MTM1: variants seen among roughly 807,000 people sequenced by gnomAD.
The protein encoded by MTM1 is myotubularin.
Under a neutral mutation model 52.1 loss-of-function variants are expected in MTM1, and 9 were observed. The ratio of observed to expected loss-of-function variants is 0.17; its 90% CI spans 0.10 to 0.30. MTM1 has a LOEUF of 0.30. MTM1 is among the 10% of genes least tolerant of loss of function. The pLI is 1.00. For missense variants in MTM1, 277 were observed against 470.7 expected (o/e 0.59, Z 3.81); for synonymous variants, 136 against 163.8 (o/e 0.83, Z 1.29).
chrX:150,668,927 G>A (rs1483940684), intron 14 of MTM1, among the ~76,000 whole-genome samples: 4 of 110,263 alleles, frequency 3.6e-5, no homozygotes, highest in African/African-American at 1.3e-4. Context: ...AAAAAAAAGG[G>A]TGGGGGGATA....
intron 14 of MTM1, among the ~76,000 whole-genome samples, chrX:150,667,736 G>A (rs941279439): frequency 8.9e-6 from 1 of 112,171 alleles, no homozygotes; most frequent in Non-Finnish European, 1.9e-5. Flanking sequence ...GGGATTAAGA[G>A]GCTTCTGCAA....
At chrX:150,620,993 C>T (rs1416614893) in intron 6 of MTM1, among the ~76,000 whole-genome samples, 1 of 107,805 alleles carries the variant, frequency 9.3e-6, no homozygotes, top group African/African-American at 3.4e-5. Flanking sequence ...TGCTGGGCAC[C>T]TGTAATCCCA....
At position 150,671,796 on chromosome X, in the gene MTM1, G is replaced by A. The variant is rs2040401872; in HGVS notation, c.*201G>A. The A allele has an allele frequency of 4.2e-6, 2 of 471,950 alleles. No individual in the cohort carries two copies. Among genetic ancestry groups the A allele is most frequent in the Middle Eastern group, 1.2e-3 (2 of 1,629 alleles). The allele number at this position is 471,950 out of a possible 1,213,427, so 38.9% of individuals were successfully genotyped here. A position where few individuals can be genotyped will look rare whatever the true frequency, so the allele number is the denominator to read the frequency against. On this transcript the variant is annotated 3_prime_UTR_variant, in exon 15 of 15. Transcript: ENST00000370396. ...TCCACACGGCAATCAGAAGAAAGGA[G>A]CTGAGATGAGGTTTTGGAAAACCCT...
At chrX:150,644,970 T>G (rs1229712055) in intron 8 of MTM1, among the ~76,000 whole-genome samples, 1 of 112,071 alleles carries the variant, frequency 8.9e-6, no homozygotes, top group Non-Finnish European at 1.9e-5. Context: ...AAGTGTACAA[T>G]TCTGTCGTTT....
intron 4 of MTM1, among the ~76,000 whole-genome samples, chrX:150,608,888 G>C (rs782638885): frequency 7.2e-5 from 8 of 110,729 alleles, no homozygotes; most frequent in African/African-American, 2.3e-4. Flanking sequence ...AGAGGGCAAT[G>C]GTGTGATCTC....
rs2039922495 is a variant in MTM1 at position 150,645,851 on chromosome X, G to A, written c.847G>A (p.Val283Ile). Residue 283 changes from valine (V) to isoleucine (I), a missense_variant, in exon 9 of 15, where the codon GTA (valine) becomes ATA (isoleucine). By Grantham distance (29) the Val-to-Ile change is conservative (BLOSUM62 3). Coordinates refer to ENST00000370396, the MANE Select transcript of MTM1 (RefSeq NM_000252.3). ...KLTIYDARPS[V>I]NAVANKATGG... ...CACCATTTATGATGCAAGACCCAGC[G>A]TAAATGCAGTGGCCAACAAGGTGAG... The A allele has an allele frequency of 2.5e-6, 3 of 1,208,890 alleles. No individual in the cohort carries two copies. The highest frequency in any genetic ancestry group is 3.5e-5 in the African/African-American group (2 of 57,173).
At chrX:150,666,869 C>G (rs1557414960) in intron 14 of MTM1, among the ~76,000 whole-genome samples, 1 of 111,443 alleles carries the variant, frequency 9.0e-6, no homozygotes, top group East Asian at 2.8e-4. Flanking sequence ...CTCCCACACC[C>G]CATGTCCAAT....
intron 6 of MTM1, among the ~76,000 whole-genome samples, chrX:150,623,288 TC>T (rs2039512328): frequency 9.0e-6 from 1 of 111,254 alleles, no homozygotes; most frequent in African/African-American, 3.3e-5. Flanking sequence ...GATCACAAGC[TC>T]CCTAGGGACC....
At chrX:150,654,469 G>A (rs1557414326) in intron 10 of MTM1, among the ~76,000 whole-genome samples, 1 of 111,341 alleles carries the variant, frequency 9.0e-6, no homozygotes, top group Non-Finnish European at 1.9e-5. Flanking sequence ...AGAAATAAAC[G>A]GCTCTAGTCA....
At position 150,583,539 on chromosome X, in the gene MTM1, T is replaced by A. The variant is rs1569565332; in HGVS notation, c.-10-9066T>A. Among the ~76,000 whole-genome samples the A allele has an allele frequency of 5.9e-3, 174 of 29,381 alleles. 3 individuals carry two copies. Among genetic ancestry groups the A allele is most frequent in the African/African-American group, 9.6e-3 (65 of 6,743 alleles). 25.5% of individuals were successfully genotyped at this position (29,381 alleles called of 115,157 possible). On this transcript the variant is annotated intron_variant, in intron 1 of 14. Coordinates refer to ENST00000370396, the MANE Select transcript of MTM1 (RefSeq NM_000252.3). The stretch of plus-strand genomic sequence containing the variant: ...TTATATATATTATATATAAATTATA[T>A]ATATTATACATAATTTATATATAAT...
At chrX:150,616,738 C>T (rs987374796) in intron 5 of MTM1, among the ~76,000 whole-genome samples, 1 of 112,036 alleles carries the variant, frequency 8.9e-6, no homozygotes, top group Non-Finnish European at 1.9e-5. Flanking sequence ...TCCTTCCCCA[C>T]CTCACTCCCA....
At chrX:150,653,403 A>C (rs1336738691) in intron 10 of MTM1, among the ~76,000 whole-genome samples, 3 of 111,964 alleles carry the variant, frequency 2.7e-5, no homozygotes, top group Non-Finnish European at 3.8e-5. Flanking sequence ...TGTGTGATGT[A>C]ATTTAGGGCC....
chrX:150,604,176 TC>T (rs1217802401), intron 4 of MTM1, among the ~76,000 whole-genome samples: 6 of 111,908 alleles, frequency 5.4e-5, no homozygotes, highest in Non-Finnish European at 1.1e-4. Flanking sequence ...CTGTAAAGAT[TC>T]TGCAGCTTCC....
rs1325743053 is a variant in MTM1 at position 150,672,306 on chromosome X, T to C, written c.*711T>C. On this transcript the variant is annotated 3_prime_UTR_variant, in exon 15 of 15. Transcript: ENST00000370396. ...TTGCCAGTTTTATTTTCTAAATTCT[T>C]TCATGAGCTTGCCTAAAATTCGGAA... is the stretch of plus-strand genomic sequence containing the variant. The C allele has an allele frequency of 8.9e-6, 1 of 112,317 alleles. No individual in the cohort carries two copies. Among genetic ancestry groups the C allele is most frequent in the Non-Finnish European group, 1.9e-5 (1 of 53,333 alleles). 9.3% of individuals were successfully genotyped at this position (112,317 alleles called of 1,213,427 possible).
intron 4 of MTM1, among the ~76,000 whole-genome samples, chrX:150,600,352 A>G (rs1418879857): frequency 1.8e-5 from 2 of 112,209 alleles, no homozygotes; most frequent in South Asian, 3.7e-4. Flanking sequence ...TCAGTAAAGG[A>G]TAGGAGGTCT....
chrX:150,600,480 A>ATTTTTTGT (rs1373762186), intron 4 of MTM1, among the ~76,000 whole-genome samples: 1 of 112,070 alleles, frequency 8.9e-6, no homozygotes, highest in African/African-American at 3.2e-5. Flanking sequence ...AAATGTAACA[A>ATTTTTTGT]TAGCCCCATC....
intron 6 of MTM1, among the ~76,000 whole-genome samples, chrX:150,627,584 C>T (rs1412375749): frequency 1.8e-5 from 2 of 111,258 alleles, no homozygotes; most frequent in Non-Finnish European, 1.9e-5. Flanking sequence ...TTTTGACTTC[C>T]GAAAGCACAT....
intron 6 of MTM1, among the ~76,000 whole-genome samples, chrX:150,620,124 T>C (rs1557413246): frequency 8.9e-6 from 1 of 112,155 alleles, no homozygotes; most frequent in Non-Finnish European, 1.9e-5. Flanking sequence ...TTCTTAATTA[T>C]TATGAAAGTG....
rs145155903 is a variant in MTM1, at chrX:150,597,470, G to A, written c.136+900G>A. On this transcript the variant is annotated intron_variant, in intron 3 of 14. Transcript: ENST00000370396. ...CAAAGAAGATATTTTACTTTTGATC[G>A]TCTTCATATATGAAGTTTTGGTGGT... 2.8e-3 allele frequency among the ~76,000 whole-genome samples: 317 copies of A among 111,913 alleles called. 5 individuals carry two copies. The East Asian group carries it at 0.07, about 25-fold the overall frequency.
Sources: gnomAD v4.1 joint callset for allele counts (sites outside exome capture counted in the v4.1 genomes callset) on GRCh38, gnomAD v4.1.1 for gene constraint, MANE v1.5 for transcripts, NCBI Gene and HGNC (gene_info 2026-07-23, HGNC 2026-07-21) for gene names.